GALNS: variants seen among roughly 807,000 people sequenced by gnomAD.
GALNS encodes the protein galactosamine (N-acetyl)-6-sulfatase.
Under a neutral mutation model 65.9 loss-of-function variants are expected in GALNS, and 65 were observed. The observed-to-expected ratio is 0.99, with a 90% confidence interval of 0.81 to 1.21. The LOEUF is 1.21. Ranked by LOEUF, GALNS falls within the 50% of genes most tolerant of loss-of-function variation. The probability of loss-of-function intolerance (pLI) is 0.00; values close to 1 mark genes in which losing one functional copy is unlikely to be tolerated. For missense variants in GALNS, 776 were observed against 700.7 expected, an observed-to-expected ratio of 1.11 and a Z score of -1.21; for synonymous variants, 346 against 288.9, an observed-to-expected ratio of 1.20 and a Z score of -2.00.
chr16:88,846,488 C>T (rs1402689086), intron 1 of GALNS, among the ~76,000 whole-genome samples: 3 of 149,160 alleles, frequency 2.0e-5, no homozygotes, highest in East Asian at 2.0e-4. Context: ...GCCTCCAGAC[C>T]GAGACAGAAT....
At chr16:88,817,728 G>A (rs1198991099) in intron 13 of GALNS, among the ~76,000 whole-genome samples, 1 of 152,200 alleles carries the variant, frequency 6.6e-6, no homozygotes, top group Non-Finnish European at 1.5e-5. Flanking sequence ...GGGCCTTGGA[G>A]CTCCCCAGTC....
chr16:88,817,928 G>A, intron 13 of GALNS, 79 bp downstream of exon 13: 1 of 1,202,256 alleles, frequency 8.3e-7, no homozygotes, highest in Non-Finnish European at 1.2e-6. Flanking sequence ...GCCCTGTGCT[G>A]GCCACGGTTC....
At chr16:88,824,329 G>C (rs1910572254) in intron 11 of GALNS, among the ~76,000 whole-genome samples, 1 of 152,090 alleles carries the variant, frequency 6.6e-6, no homozygotes, top group African/African-American at 2.4e-5. Flanking sequence ...CCCAGGCCCT[G>C]TGCGTGTGGC....
chr16:88,822,200 G>C (rs1910300502), intron 12 of GALNS, among the ~76,000 whole-genome samples: 3 of 152,174 alleles, frequency 2.0e-5, no homozygotes, highest in Admixed American at 2.0e-4. Flanking sequence ...CCAGAGAGCA[G>C]AGGGTGGAGC....
At chr16:88,843,130 C>T (rs1967064699) in intron 1 of GALNS, 2 of 1,441,540 alleles carry the variant, frequency 1.4e-6, no homozygotes. Flanking sequence ...GGGAATGTGT[C>T]CGTCTGCCTC....
chr16:88,826,136 G>A (rs954719502), intron 10 of GALNS, among the ~76,000 whole-genome samples: 2 of 151,850 alleles, frequency 1.3e-5, no homozygotes, highest in African/African-American at 4.8e-5. Flanking sequence ...GCAGGGAACA[G>A]GGGTGGGGCA....
intron 1 of GALNS, among the ~76,000 whole-genome samples, chr16:88,851,097 G>A (rs574039600): frequency 2.2e-4 from 33 of 152,232 alleles, no homozygotes; most frequent in South Asian, 1.7e-3. Flanking sequence ...ATTTATCGGC[G>A]CCTTTCTTGG....
At chr16:88,821,107 A>T (rs114957687) in intron 12 of GALNS, among the ~76,000 whole-genome samples, 4,936 of 151,898 alleles carry the variant, frequency 0.032, 258 homozygotes, top group African/African-American at 0.11. Flanking sequence ...GTATCTCGGC[A>T]CCCCCACAAC....
chr16:88,817,005 G>A (rs1036151076), intron 13 of GALNS: 4 of 985,362 alleles, frequency 4.1e-6, no homozygotes, highest in African/African-American at 1.7e-5. Context: ...GAGCGACACC[G>A]CAGACCTGTG....
chr16:88,842,978 C>G, intron 1 of GALNS, 149 bp from the exon 2 acceptor site: 3 of 1,528,118 alleles, frequency 2.0e-6, no homozygotes, highest in Non-Finnish European at 2.6e-6. Context: ...CGGCCAAACC[C>G]CAGCATCGCC....
chr16:88,842,484 C>T, intron 2 of GALNS: 1 of 610,600 alleles, frequency 1.6e-6, no homozygotes, highest in Admixed American at 3.0e-5. Flanking sequence ...ACCAACAATA[C>T]CGCAACTTCG....
intron 10 of GALNS, among the ~76,000 whole-genome samples, chr16:88,825,318 G>T (rs1448118280): frequency 7.6e-6 from 1 of 131,746 alleles, no homozygotes; most frequent in Admixed American, 7.2e-5. Context: ...GGGCGACTGG[G>T]TATCTGGGGT....
chr16:88,816,943 C>T (rs939542931), intron 13 of GALNS: 13 of 985,306 alleles, frequency 1.3e-5, no homozygotes, highest in East Asian at 1.1e-4. Flanking sequence ...CCAGGGGCCT[C>T]GAGGCTGGGC....
intron 1 of GALNS, among the ~76,000 whole-genome samples, chr16:88,850,835 G>T (rs574005264): frequency 6.6e-6 from 1 of 152,246 alleles, no homozygotes; most frequent in South Asian, 2.1e-4. Flanking sequence ...GGCATGTGCC[G>T]AGACTCTTTA....
chr16:88,822,554 T>C (rs1312123777), intron 12 of GALNS, 35 bp downstream of exon 12: 2 of 1,611,226 alleles, frequency 1.2e-6, no homozygotes, highest in Non-Finnish European at 1.7e-6. Flanking sequence ...CGGCTGGCAC[T>C]GCCTCAGCAG....
intron 1 of GALNS, among the ~76,000 whole-genome samples, chr16:88,850,742 G>A (rs905403632): frequency 1.3e-5 from 2 of 152,236 alleles, no homozygotes; most frequent in African/African-American, 4.8e-5. Flanking sequence ...TGCGAGCACA[G>A]GTGCGGGATG....
At chr16:88,830,108 G>A (rs941800566) in intron 9 of GALNS, among the ~76,000 whole-genome samples, 7 of 152,004 alleles carry the variant, frequency 4.6e-5, no homozygotes, top group African/African-American at 1.7e-4. Flanking sequence ...GAGCATGCCT[G>A]TAGTCCCAGC....
chr16:88,818,591 AAGCTGC>A (rs1909882876), intron 12 of GALNS, among the ~76,000 whole-genome samples: 1 of 152,240 alleles, frequency 6.6e-6, no homozygotes, highest in African/African-American at 2.4e-5. Context: ...ATTCCAATGC[AAGCTGC>A]GGAGTGTTTG....
chr16:88,816,712 C>T (rs1490836397), intron 13 of GALNS: 2 of 985,338 alleles, frequency 2.0e-6, no homozygotes, highest in Non-Finnish European at 2.4e-6. Context: ...CTGTTCAGAG[C>T]CACCACCTTC....
Sources: gnomAD v4.1 joint callset for allele counts (sites outside exome capture counted in the v4.1 genomes callset) on GRCh38, gnomAD v4.1.1 for gene constraint, MANE v1.5 for transcripts, NCBI Gene and HGNC (gene_info 2026-07-23, HGNC 2026-07-21) for gene names.